ATAD2B: variants seen among roughly 807,000 people sequenced by gnomAD.
ATAD2B encodes the protein ATPase family AAA domain-containing protein 2B.
A neutral mutation model predicts 167.6 loss-of-function variants in ATAD2B; 40 were observed. The observed-to-expected ratio is 0.24, with a 90% CI of 0.19 to 0.31. ATAD2B has a LOEUF of 0.31. ATAD2B is among the 10% of genes least tolerant of loss of function. The probability of loss-of-function intolerance (pLI) is 1.00; values close to 1 mark genes in which losing one functional copy is unlikely to be tolerated. For synonymous variants in ATAD2B, 579 were observed against 596.5 expected, an observed-to-expected ratio of 0.97 and a Z score of 0.43; for missense variants, 1,242 against 1,757.2, an observed-to-expected ratio of 0.71 and a Z score of 5.24.
the ATAD2B span, among the ~76,000 whole-genome samples, chr2:23,681,901 C>A: frequency 6.6e-6 from 1 of 152,214 alleles, no homozygotes; most frequent in Non-Finnish European, 1.5e-5. The surrounding 1 kb of genome is among the most constrained non-coding windows in gnomAD (Gnocchi z 4.2). Context: ...GGCCCTGCAA[C>A]TGGCCCTGTG....
At chr2:23,884,327 G>C (rs1465889130) in intron 6 of ATAD2B, among the ~76,000 whole-genome samples, 1 of 152,086 alleles carries the variant, frequency 6.6e-6, no homozygotes, top group African/African-American at 2.4e-5. Context: ...CCTTTCCACT[G>C]GTATTAGAAG....
chr2:23,689,926 G>C, the ATAD2B span: 2 of 152,344 alleles, frequency 1.3e-5, no homozygotes, highest in African/African-American at 2.4e-5. Flanking sequence ...GTCACTCTGT[G>C]TTGGGGGGTT....
the ATAD2B span, among the ~76,000 whole-genome samples, chr2:23,698,526 T>A: frequency 6.6e-6 from 1 of 151,924 alleles, no homozygotes. Flanking sequence ...ATGGTACAAA[T>A]GGCTATTATA....
the ATAD2B span, among the ~76,000 whole-genome samples, chr2:23,687,341 G>GGACAGGT: frequency 6.6e-6 from 1 of 152,210 alleles, no homozygotes; most frequent in Non-Finnish European, 1.5e-5. Flanking sequence ...CACCAGCCTG[G>GGACAGGT]GACAGGTGAT....
Position 23,858,769 on chromosome 2 carries a change from T to C in ATAD2B, c.1480-1266A>G, listed in dbSNP as rs903687653. 5.3e-5 allele frequency among the ~76,000 whole-genome samples: 8 copies of C among 152,236 alleles called. 1 individual carries two copies. The highest frequency in any genetic ancestry group is 1.3e-4 in the Admixed American group (2 of 15,276). On this transcript the variant is annotated intron_variant, in intron 12 of 27. Transcript: ENST00000238789. ...ATGTGCTGGGATTACAGGTCTGAGATACTGTGTCCAGCCTGCCTCATTCGT... is the reference window on the plus strand; with the variant it reads ...ATGTGCTGGGATTACAGGTCTGAGACACTGTGTCCAGCCTGCCTCATTCGT...
chr2:23,747,198 C>T (rs2149281513), downstream of ATAD2B, among the ~76,000 whole-genome samples: 1 of 152,060 alleles, frequency 6.6e-6, no homozygotes, highest in East Asian at 1.9e-4. Flanking sequence ...CCCCTTCCCT[C>T]ATGAATAAAT....
At chr2:23,841,406 G>A (rs182418365) in intron 13 of ATAD2B, among the ~76,000 whole-genome samples, 36 of 152,008 alleles carry the variant, frequency 2.4e-4, no homozygotes, top group Non-Finnish European at 3.2e-4. Flanking sequence ...AACTATTGTC[G>A]ACATTTCATA....
rs887345027 is a variant in ATAD2B, at chr2:23,752,085, C to G, written c.4338G>C (p.Glu1446Asp). 1 of 1,556,768 alleles carries G rather than the reference C, an allele frequency of 6.4e-7. No individual in the cohort carries two copies. Among genetic ancestry groups the G allele is most frequent in the Non-Finnish European group, 8.7e-7 (1 of 1,146,924 alleles). Residue 1446 changes from glutamate to aspartate, a missense_variant and splice_region_variant, in exon 28 of 28, where the codon GAG (glutamate) becomes GAC (aspartate). By Grantham distance (45) the Glu-to-Asp change is conservative. This residue lies in a region of ATAD2B where 282 missense variants were observed against 346.8 expected (regional missense o/e 0.81). Coordinates refer to ENST00000238789, the MANE Select transcript of ATAD2B (RefSeq NM_017552.4). ...KDYDKSQLVE[E>D]MERTVHMFET... The stretch of plus-strand genomic sequence containing the variant: ...CAAACATATGAACTGTTCTTTCCAT[C>G]TCCTATAAAAGGAAAAAAAATGCAT...
chr2:23,757,822 G>A lies in ATAD2B; in HGVS notation c.3674C>T (p.Ala1225Val). The change falls in exon 25 of 28, where the codon GCA becomes GTA. Residue 1225 changes from alanine to valine, a missense_variant. Ala to Val is a moderately conservative substitution (Grantham distance 64). This residue lies in a region of ATAD2B where 282 missense variants were observed against 346.8 expected (regional missense o/e 0.81). Transcript: ENST00000238789. ...AGATGCAAAGTTCTCTTTTGTGCCT[G>A]CTCCATTGTTAAGCCTCTGCCCCTG... ...LDQGQRLNNG[A>V]GTKENFASTE... is the part of the protein sequence containing the mutation. The A allele has an allele frequency of 6.4e-7, 1 of 1,571,550 alleles. No individual in the cohort carries two copies. Among genetic ancestry groups the A allele is most frequent in the South Asian group, 1.2e-5 (1 of 82,604 alleles).
At chr2:23,746,227 C>T (rs921456501), downstream of ATAD2B, among the ~76,000 whole-genome samples, 2 of 152,190 alleles carry the variant, frequency 1.3e-5, no homozygotes, top group Admixed American at 6.5e-5. Context: ...AGCAGTCAAG[C>T]ATAGTGATTA....
chr2:23,692,771 T>G, the ATAD2B span, among the ~76,000 whole-genome samples: 1 of 151,862 alleles, frequency 6.6e-6, no homozygotes, highest in African/African-American at 2.4e-5. Context: ...GCTGGCCAGA[T>G]GGACCCCAGA....
At chr2:23,768,572 CAAA>C (rs756238773) in intron 22 of ATAD2B, among the ~76,000 whole-genome samples, 1 of 135,678 alleles carries the variant, frequency 7.4e-6, no homozygotes. Context: ...ATCCTGTCTC[CAAA>C]AAAAAAAAAA....
the ATAD2B span, among the ~76,000 whole-genome samples, chr2:23,725,524 T>C: frequency 6.6e-6 from 1 of 152,234 alleles, no homozygotes; most frequent in Admixed American, 6.5e-5. Flanking sequence ...AACATATGGC[T>C]GGAAGATTTC....
chr2:23,807,865 C>T (rs1303400229), intron 18 of ATAD2B, among the ~76,000 whole-genome samples: 6 of 118,120 alleles, frequency 5.1e-5, no homozygotes, highest in Non-Finnish European at 1.1e-4. Context: ...AAAATATATA[C>T]ATTTTATATA....
Position 23,926,813 on chromosome 2 carries a change from C to T in ATAD2B, c.-43G>A. The T allele has an allele frequency of 6.8e-7, 1 of 1,462,480 alleles. No homozygotes were observed. The highest frequency in any genetic ancestry group is 9.0e-7 in the Non-Finnish European group (1 of 1,107,636). The allele number at this position is 1,462,480 out of a possible 1,614,324, so 90.6% of individuals were successfully genotyped here. ...GGAGTCCACGCCGCGCCCGGGAGAG[C>T]CGAGCAAGGCCGGCCCGCCGGCCGG... On this transcript the variant is annotated 5_prime_UTR_variant, in exon 1 of 28. Coordinates refer to ENST00000238789, the MANE Select transcript of ATAD2B (RefSeq NM_017552.4).
At chr2:23,691,411 C>T in the ATAD2B span, 3 of 536,898 alleles carry the variant, frequency 5.6e-6, no homozygotes, top group South Asian at 2.1e-5. Flanking sequence ...ATCCATAGCT[C>T]ATGCTTTTTG....
At chr2:23,692,381 G>A in the ATAD2B span, among the ~76,000 whole-genome samples, 29 of 152,258 alleles carry the variant, frequency 1.9e-4, no homozygotes, top group South Asian at 2.1e-4. Flanking sequence ...TCCCGGGGGG[G>A]TCGCTGACCC....
chr2:23,817,463 A>G (rs1686625368), intron 17 of ATAD2B, among the ~76,000 whole-genome samples: 1 of 152,216 alleles, frequency 6.6e-6, no homozygotes, highest in African/African-American at 2.4e-5. Context: ...CTTCATAATG[A>G]AAAGGACAGC....
intron 11 of ATAD2B, among the ~76,000 whole-genome samples, chr2:23,864,514 C>T (rs948060837): frequency 7.2e-5 from 11 of 152,080 alleles, no homozygotes; most frequent in African/African-American, 1.2e-4. Flanking sequence ...GCATCAAACT[C>T]GATGCACTGG....
Sources: allele counts gnomAD v4.1 joint callset (sites outside exome capture counted in the v4.1 genomes callset), GRCh38; gene constraint gnomAD v4.1.1; regional missense constraint gnomAD v4.1.1; non-coding constraint Gnocchi (gnomAD v3.1); transcripts MANE v1.5; gene names NCBI Gene and HGNC (gene_info 2026-07-23, HGNC 2026-07-21).